The following SLC35D2 variants were observed in gnomAD, a reference collection of about 807,000 sequenced individuals.
SLC35D2 encodes the protein solute carrier family 35 member D2.
SLC35D2 carries 43 observed loss-of-function variants against 41.8 expected under a neutral mutation model. That is an observed-to-expected ratio of 1.03 (90% CI 0.81 to 1.33). The LOEUF is 1.33. Ranked by LOEUF, SLC35D2 falls within the 40% of genes most tolerant of loss-of-function variation. SLC35D2 has a pLI of 0.00. For synonymous variants in SLC35D2, 150 were observed against 163.9 expected, an observed-to-expected ratio of 0.92 and a Z score of 0.65; for missense variants, 380 against 408.4, an observed-to-expected ratio of 0.93 and a Z score of 0.60.
intron 3 of SLC35D2, among the ~76,000 whole-genome samples, chr9:96,362,560 C>T (rs901969312): frequency 1.3e-4 from 19 of 150,954 alleles, no homozygotes; most frequent in African/African-American, 4.4e-4. Context: ...AGAATAATTA[C>T]AAAGAAAGCA....
intron 9 of SLC35D2, among the ~76,000 whole-genome samples, chr9:96,325,380 G>A (rs763120426): frequency 2.2e-4 from 34 of 152,170 alleles, no homozygotes; most frequent in Non-Finnish European, 4.3e-4. Flanking sequence ...TGTGAGATTT[G>A]AAAAGCTAAA....
At chr9:96,324,911 A>G (rs986875502) in intron 9 of SLC35D2, among the ~76,000 whole-genome samples, 5 of 152,028 alleles carry the variant, frequency 3.3e-5, no homozygotes, top group Non-Finnish European at 7.4e-5. Flanking sequence ...TCTGCTTCAC[A>G]TGGTTTGAGG....
At chr9:96,345,694 G>A (rs1829544037) in intron 6 of SLC35D2, among the ~76,000 whole-genome samples, 1 of 152,152 alleles carries the variant, frequency 6.6e-6, no homozygotes, top group Non-Finnish European at 1.5e-5. Context: ...AATAACTGGT[G>A]AGCCCTGACT....
Position 96,344,529 on chromosome 9 carries a change from A to AAAT in SLC35D2, c.592-534_592-533insATT, listed in dbSNP as rs745811048. Among the ~76,000 whole-genome samples the AAAT allele has an allele frequency of 6.0e-4, 42 of 69,698 alleles. 1 individual carries two copies. Among genetic ancestry groups the AAAT allele is most frequent in the African/African-American group, 3.3e-3 (40 of 12,264 alleles). The allele number at this position is 69,698 out of a possible 152,430, so 45.7% of individuals were successfully genotyped here. On this transcript the variant is annotated intron_variant, in intron 7 of 11. Transcript: ENST00000253270. ...ACCGTTAAAAAAAAAAAAAAAAAAA[A>AAAT]GGCCATGCAGGGGAAAAAAAAAAAA...
chr9:96,364,646 G>T, intron 2 of SLC35D2, 96 bp from the exon 3 acceptor site: 1 of 751,600 alleles, frequency 1.3e-6, no homozygotes, highest in South Asian at 1.5e-5. Flanking sequence ...TCATCAAAAA[G>T]AAATATAGCA....
intron 8 of SLC35D2, among the ~76,000 whole-genome samples, chr9:96,343,128 G>A (rs1280397500): frequency 6.6e-6 from 1 of 152,202 alleles, no homozygotes; most frequent in African/African-American, 2.4e-5. Flanking sequence ...GCGACTTCCT[G>A]AAGAAGTCCG....
Position 96,368,299 on chromosome 9 carries a change from C to T in SLC35D2, c.165G>A (p.Pro55=), listed in dbSNP as rs369791050. ...NKALLTTYGF[P]SPIFLGIGQM... The stretch of plus-strand genomic sequence containing the variant: ...GTCCAATTCCAAGGAAAATTGGTGA[C>T]GGGAAACTACAAAGGACACAGAACA... The change falls in exon 2 of 12, where the codon CCG becomes CCA. Residue 55 remains proline (P), a synonymous_variant. Coordinates refer to ENST00000253270, the MANE Select transcript of SLC35D2 (RefSeq NM_007001.3). The T allele has an allele frequency of 5.9e-5, 94 of 1,605,430 alleles. No homozygotes were observed. Among genetic ancestry groups the T allele is most frequent in the Middle Eastern group, 3.3e-4 (2 of 6,048 alleles).
In SLC35D2 at chr9:96,351,053, T is replaced by C. The variant is rs771692541; in HGVS notation, c.488+50A>G. 19 of 1,363,530 alleles carry C rather than the reference T, an allele frequency of 1.4e-5. No individual in the cohort carries two copies. The South Asian group carries it at 1.4e-4, about 10-fold the overall frequency. The allele number at this position is 1,363,530 out of a possible 1,614,324, so 84.5% of individuals were successfully genotyped here. A position where few individuals can be genotyped will look rare whatever the true frequency, so the allele number is the denominator to read the frequency against. On this transcript the variant is annotated intron_variant, in intron 6 of 11. Coordinates refer to ENST00000253270, the MANE Select transcript of SLC35D2 (RefSeq NM_007001.3). Reference sequence around the variant, plus strand: ...AAAACTGAGGATGGGGCTGGGCCTATTGTCAAAGACACAAAGAAGTTATTG... The same window carrying C: ...AAAACTGAGGATGGGGCTGGGCCTACTGTCAAAGACACAAAGAAGTTATTG...
intron 3 of SLC35D2, among the ~76,000 whole-genome samples, chr9:96,362,870 GTTTTT>G (rs534159570): frequency 7.2e-5 from 10 of 138,996 alleles, no homozygotes; most frequent in Non-Finnish European, 7.9e-5. Context: ...TCCCTGTTTT[GTTTTT>G]TTTTTTTTTG....
At chr9:96,378,607 T>G (rs1329747943) in intron 1 of SLC35D2, among the ~76,000 whole-genome samples, 1 of 152,168 alleles carries the variant, frequency 6.6e-6, no homozygotes, top group Non-Finnish European at 1.5e-5. Flanking sequence ...TTATATAATG[T>G]TAAAGCAGAA....
intron 3 of SLC35D2, among the ~76,000 whole-genome samples, chr9:96,360,628 CAAAAAAAAAAAAAAA>C (rs906000581): frequency 6.4e-5 from 1 of 15,702 alleles, no homozygotes; most frequent in Non-Finnish European, 1.3e-4. Flanking sequence ...GACTTCATCT[CAAAAAAAAAAAAAAA>C]AAAAAAAAAA....
intron 6 of SLC35D2, among the ~76,000 whole-genome samples, chr9:96,346,427 A>G (rs1401017399): frequency 2.6e-5 from 4 of 152,198 alleles, no homozygotes; most frequent in Non-Finnish European, 5.9e-5. Flanking sequence ...GATGCATCTC[A>G]GGGCCGACCC....
chr9:96,319,488 T>TG (rs1828137615), downstream of SLC35D2, among the ~76,000 whole-genome samples: 1 of 145,814 alleles, frequency 6.9e-6, no homozygotes, highest in Non-Finnish European at 1.5e-5. Flanking sequence ...AAGTCTGTTA[T>TG]GTATTTTACC....
At chr9:96,362,265 T>C (rs1428043935) in intron 3 of SLC35D2, among the ~76,000 whole-genome samples, 1 of 152,180 alleles carries the variant, frequency 6.6e-6, no homozygotes, top group Admixed American at 6.5e-5. Context: ...CCCAGCACTT[T>C]GGGAGGCCAA....
intron 4 of SLC35D2, among the ~76,000 whole-genome samples, chr9:96,359,163 G>A (rs1414229608): frequency 6.6e-6 from 1 of 152,056 alleles, no homozygotes; most frequent in Non-Finnish European, 1.5e-5. Context: ...AATTAGCCGG[G>A]CATAGTGGCA....
intron 1 of SLC35D2, among the ~76,000 whole-genome samples, chr9:96,371,437 CTCTA>C (rs376231483): frequency 0.028 from 3,475 of 121,986 alleles, 64 homozygotes; most frequent in Middle Eastern, 0.08. Flanking sequence ...CGCCACTGCA[CTCTA>C]TCTAGCCTGG....
intron 1 of SLC35D2, among the ~76,000 whole-genome samples, chr9:96,379,023 C>T (rs112056790): frequency 9.2e-5 from 14 of 152,046 alleles, no homozygotes; most frequent in African/African-American, 1.9e-4. Context: ...CCAAGCCAGG[C>T]GCGGGGGCTC....
At chr9:96,367,782 CA>C (rs35612638) in intron 2 of SLC35D2, among the ~76,000 whole-genome samples, 4,206 of 128,552 alleles carry the variant, frequency 0.033, 70 homozygotes, top group Middle Eastern at 0.067. Context: ...AACTCCGTCT[CA>C]AAAAAAAAAA....
At chr9:96,348,659 A>T (rs1829681505) in intron 6 of SLC35D2, among the ~76,000 whole-genome samples, 1 of 152,212 alleles carries the variant, frequency 6.6e-6, no homozygotes, top group Non-Finnish European at 1.5e-5. Flanking sequence ...GTGGCTAAGC[A>T]CTATGAATGC....
Sources: allele counts gnomAD v4.1 joint callset (sites outside exome capture counted in the v4.1 genomes callset), GRCh38; gene constraint gnomAD v4.1.1; transcripts MANE v1.5; gene names NCBI Gene and HGNC (gene_info 2026-07-23, HGNC 2026-07-21).